Variants in LMX1A observed in about 807,000 individuals in gnomAD.
LMX1A encodes LIM homeobox transcription factor 1-alpha.
A neutral mutation model predicts 49.1 loss-of-function variants in LMX1A; 15 were observed. That is an observed-to-expected ratio of 0.31 (90% CI 0.20 to 0.47). The LOEUF (loss-of-function observed/expected upper bound fraction) is 0.47, where lower values mean the gene tolerates loss of function less well. Ranked by LOEUF, LMX1A falls within the 20% of genes least tolerant of loss-of-function variation. The pLI, the probability that LMX1A is intolerant of heterozygous loss-of-function variation, is 1.00. For synonymous variants in LMX1A, 167 were observed against 185.7 expected (o/e 0.90, Z 0.82); for missense variants, 372 against 475.8 (o/e 0.78, Z 2.03).
Position 165,208,063 on chromosome 1 carries a change from C to CAGA in LMX1A, c.814_816dup (p.Ser272dup). The CAGA allele has an allele frequency of 6.2e-7, 1 of 1,613,738 alleles. No homozygotes were observed. Among genetic ancestry groups the CAGA allele is most frequent in the Non-Finnish European group, 8.5e-7 (1 of 1,179,918 alleles). On this transcript the variant is annotated inframe_insertion and splice_region_variant, in exon 7 of 9. Coordinates refer to ENST00000342310, the MANE Select transcript of LMX1A (RefSeq NM_177398.4). ...TGCCTGGGAGGAGGCACCAGCTTAC[C>CAGA]AGAGCTCAGCCTCTGGGTGTTCTGC...
chr1:165,321,721 A>G (rs1373191256), intron 3 of LMX1A, among the ~76,000 whole-genome samples: 2 of 152,198 alleles, frequency 1.3e-5, no homozygotes, highest in South Asian at 2.1e-4. Context: ...GGATATAACA[A>G]CAAAAGCACA....
At chr1:165,339,818 C>T (rs906267705) in intron 3 of LMX1A, among the ~76,000 whole-genome samples, 2 of 151,566 alleles carry the variant, frequency 1.3e-5, no homozygotes, top group African/African-American at 4.8e-5. Flanking sequence ...CTAGGCTTCT[C>T]CTCTATCACA....
chr1:165,229,914 G>T (rs1652181368), intron 4 of LMX1A, among the ~76,000 whole-genome samples: 1 of 152,274 alleles, frequency 6.6e-6, no homozygotes, highest in African/African-American at 2.4e-5. Context: ...GAAGGTTTGT[G>T]TCTCCCTGAA....
chr1:165,305,365 A>G (rs1251718101), intron 3 of LMX1A, among the ~76,000 whole-genome samples: 1 of 152,170 alleles, frequency 6.6e-6, no homozygotes, highest in Non-Finnish European at 1.5e-5. Context: ...GAAGGGAGAC[A>G]AACTTATGAC....
At chr1:165,292,743 TA>T (rs35874302) in intron 3 of LMX1A, among the ~76,000 whole-genome samples, 64,201 of 151,970 alleles carry the variant, frequency 0.42, 14,246 homozygotes, top group African/African-American at 0.55. Context: ...GATAAACAAA[TA>T]ACAACCCAGG....
chr1:165,350,549 T>C (rs182857127), intron 3 of LMX1A, among the ~76,000 whole-genome samples: 7 of 150,924 alleles, frequency 4.6e-5, no homozygotes, highest in Admixed American at 4.6e-4. Flanking sequence ...TTTTTTTTTT[T>C]ACAAAACAAA....
chr1:165,355,368 G>C lies in LMX1A; in HGVS notation c.76+116C>G. ...AGATAGTGATGGGGCTCAATTTAGT[G>C]TATGAAGAGGGGCGCTAGCTTCCCT... On this transcript the variant is annotated intron_variant, in intron 2 of 8. Coordinates refer to ENST00000342310, the MANE Select transcript of LMX1A (RefSeq NM_177398.4). This position sits in a 1 kb window ranked among gnomAD's most constrained non-coding sequence, Gnocchi z 4.7. 1 of 919,486 alleles carries C rather than the reference G, an allele frequency of 1.1e-6. No individual in the cohort carries two copies. The highest frequency in any genetic ancestry group is 1.5e-5 in the South Asian group (1 of 67,188). 57.0% of individuals were successfully genotyped at this position (919,486 alleles called of 1,614,324 possible).
intron 3 of LMX1A, among the ~76,000 whole-genome samples, chr1:165,276,395 C>A (rs1653969334): frequency 6.6e-6 from 1 of 152,210 alleles, no homozygotes; most frequent in South Asian, 2.1e-4. Context: ...TCCACCCTCA[C>A]CCTTCCTATC....
intron 3 of LMX1A, among the ~76,000 whole-genome samples, chr1:165,296,349 C>G (rs1216052324): frequency 6.6e-6 from 1 of 152,260 alleles, no homozygotes; most frequent in Non-Finnish European, 1.5e-5. Flanking sequence ...CACAGAGACA[C>G]ATACTACAGT....
intron 4 of LMX1A, among the ~76,000 whole-genome samples, chr1:165,229,812 A>AG (rs1652178016): frequency 6.6e-6 from 1 of 152,024 alleles, no homozygotes; most frequent in Non-Finnish European, 1.5e-5. Context: ...TTGTTAGTGG[A>AG]GGGGGGCCGT....
chr1:165,353,106 T>C lies in LMX1A; in HGVS notation c.233A>G (p.Lys78Arg), dbSNP rs761874543. The C allele has an allele frequency of 5.6e-6, 9 of 1,614,086 alleles. No homozygotes were observed. In the African/African-American group the frequency reaches 1.1e-4, roughly 19 times the overall value. ...PLETTCFYRDKKLYCKYDYEK... is the reference protein window; with the variant it reads ...PLETTCFYRDRKLYCKYDYEK... ...GTAGTCATACTTGCAGTACAGCTTC[T>C]TGTCCCGGTAGAAGCAGGTGGTCTC... The change falls in exon 3 of 9, where the codon AAG becomes AGG. Residue 78 changes from lysine (K) to arginine (R), a missense_variant. Coordinates refer to ENST00000342310, the MANE Select transcript of LMX1A (RefSeq NM_177398.4).
At chr1:165,231,805 A>G (rs1356638374) in intron 4 of LMX1A, among the ~76,000 whole-genome samples, 1 of 152,186 alleles carries the variant, frequency 6.6e-6, no homozygotes, top group Non-Finnish European at 1.5e-5. Flanking sequence ...CTAAATTCTA[A>G]AGCTTATAAT....
chr1:165,263,671 T>A (rs1428391793), intron 3 of LMX1A, among the ~76,000 whole-genome samples: 1 of 152,238 alleles, frequency 6.6e-6, no homozygotes, highest in African/African-American at 2.4e-5. Context: ...GTTATCCTAC[T>A]ACCTAAATCA....
intron 3 of LMX1A, among the ~76,000 whole-genome samples, chr1:165,321,031 A>T (rs1460418241): frequency 1.3e-5 from 2 of 152,232 alleles, no homozygotes; most frequent in African/African-American, 4.8e-5. Flanking sequence ...AAAATGTGGT[A>T]CATCCATACA....
chr1:165,252,301 T>C (rs1653089547), intron 3 of LMX1A, among the ~76,000 whole-genome samples: 1 of 152,228 alleles, frequency 6.6e-6, no homozygotes, highest in African/African-American at 2.4e-5. Flanking sequence ...AGCTGACACA[T>C]AATAGATATC....
In LMX1A at chr1:165,203,003, T is replaced by C. The variant is rs1443777083; in HGVS notation, c.*877A>G. The C allele has an allele frequency of 6.5e-6, 1 of 152,678 alleles. No homozygotes were observed. The highest frequency in any genetic ancestry group is 6.5e-5 in the Admixed American group (1 of 15,288). 9.5% of individuals were successfully genotyped at this position (152,678 alleles called of 1,614,324 possible). On this transcript the variant is annotated 3_prime_UTR_variant, in exon 9 of 9. Transcript: ENST00000342310. Reference sequence around the variant, plus strand: ...TAGCCTCATCCACATTTGCAGATGCTGAAGCTCAAGAGCTGAACCAATCAT... The same window carrying C: ...TAGCCTCATCCACATTTGCAGATGCCGAAGCTCAAGAGCTGAACCAATCAT...
intron 2 of LMX1A, among the ~76,000 whole-genome samples, chr1:165,353,830 A>G (rs572758195): frequency 2.4e-4 from 36 of 152,342 alleles, no homozygotes; most frequent in Non-Finnish European, 4.4e-4. Flanking sequence ...ATGAACCCCA[A>G]ACTGCTGCGT....
At chr1:165,269,278 C>T (rs1378330599) in intron 3 of LMX1A, among the ~76,000 whole-genome samples, 1 of 152,212 alleles carries the variant, frequency 6.6e-6, no homozygotes, top group Admixed American at 6.5e-5. Context: ...TGCGCAGAGC[C>T]TGCATTTCCA....
chr1:165,217,493 G>A (rs916275276), intron 4 of LMX1A, among the ~76,000 whole-genome samples: 1 of 152,184 alleles, frequency 6.6e-6, no homozygotes, highest in Non-Finnish European at 1.5e-5. Flanking sequence ...ATCCCTGAAA[G>A]AAAAGAGAAA....
Sources: allele counts gnomAD v4.1 joint callset (sites outside exome capture counted in the v4.1 genomes callset), GRCh38; gene constraint gnomAD v4.1.1; non-coding constraint Gnocchi (gnomAD v3.1); transcripts MANE v1.5; gene names NCBI Gene and HGNC (gene_info 2026-07-23, HGNC 2026-07-21).